The following DIAPH3 variants were observed in gnomAD, a reference collection of about 807,000 sequenced individuals.
The protein encoded by DIAPH3 is protein diaphanous homolog 3.
A neutral mutation model predicts 144.3 loss-of-function variants in DIAPH3; 117 were observed. The ratio of observed to expected loss-of-function variants is 0.81; its 90% CI spans 0.70 to 0.95. The LOEUF is 0.95. Ranked by LOEUF, DIAPH3 falls within the 40% of genes least tolerant of loss-of-function variation. The pLI is 0.00. For missense variants in DIAPH3, 1,421 were observed against 1,412.7 expected, an observed-to-expected ratio of 1.01 and a Z score of -0.09; for synonymous variants, 519 against 488.9, an observed-to-expected ratio of 1.06 and a Z score of -0.81.
intron 17 of DIAPH3, among the ~76,000 whole-genome samples, chr13:59,969,453 T>C (rs2050232208): frequency 6.6e-6 from 1 of 152,170 alleles, no homozygotes; most frequent in South Asian, 2.1e-4. Context: ...GTTACATAGG[T>C]ATACACATGC....
chr13:59,712,324 T>G (rs2034793237), intron 27 of DIAPH3, among the ~76,000 whole-genome samples: 1 of 152,224 alleles, frequency 6.6e-6, no homozygotes, highest in Non-Finnish European at 1.5e-5. Flanking sequence ...CTTCTCTTTC[T>G]CAAATAAAGC....
At position 59,686,428 on chromosome 13, in the gene DIAPH3, A is replaced by C. The variant is rs188174924; in HGVS notation, c.3320-19582T>G. On this transcript the variant is annotated intron_variant, in intron 27 of 27. Transcript: ENST00000400324. The stretch of plus-strand genomic sequence containing the variant: ...CAATGTTCTACTCAAAAGAGGAAAA[A>C]AAATTCGGCTCACAGGTGACTGTCA... 8.7e-4 allele frequency among the ~76,000 whole-genome samples: 133 copies of C among 152,162 alleles called. 2 individuals are homozygous for C. In the East Asian group the frequency reaches 0.021, roughly 24 times the overall value.
At chr13:60,115,845 T>G (rs893874990) in intron 2 of DIAPH3, among the ~76,000 whole-genome samples, 14 of 152,080 alleles carry the variant, frequency 9.2e-5, no homozygotes, top group African/African-American at 3.4e-4. Context: ...TCCAATATAT[T>G]TCTTTGAAAA....
chr13:59,839,333 T>C lies in DIAPH3; in HGVS notation c.2853A>G (p.Thr951=). The C allele has an allele frequency of 6.8e-6, 11 of 1,613,542 alleles. No homozygotes were observed. Among genetic ancestry groups the C allele is most frequent in the Non-Finnish European group, 9.3e-6 (11 of 1,179,684 alleles). ...GCTATCAAAAGGATATGGACATCTTTGTCACAAACTTGTCATGCAAGTCCT... is the reference window on the plus strand; with the variant it reads ...GCTATCAAAAGGATATGGACATCTTCGTCACAAACTTGTCATGCAAGTCCT... ...PPEDLHDKFV[T]KMSRFVISAK... is the part of the protein sequence containing the mutation. Residue 951 remains threonine, a synonymous_variant, in exon 23 of 28, where the codon ACA becomes ACG. Transcript: ENST00000400324.
intron 27 of DIAPH3, among the ~76,000 whole-genome samples, chr13:59,694,001 A>T (rs1436244360): frequency 6.6e-6 from 1 of 152,152 alleles, no homozygotes; most frequent in East Asian, 1.9e-4. Context: ...CATTCTTGTG[A>T]TCCCTAATTG....
intron 27 of DIAPH3, among the ~76,000 whole-genome samples, chr13:59,731,143 CT>C (rs1162432401): frequency 6.6e-6 from 1 of 152,162 alleles, no homozygotes. Context: ...CTTATCATAT[CT>C]TCTCATTTGT....
intron 16 of DIAPH3, 62 bp from the exon 17 acceptor site, chr13:59,970,120 C>T (rs1231267608): frequency 2.2e-6 from 2 of 906,320 alleles, no homozygotes; most frequent in African/African-American, 1.7e-5. Flanking sequence ...CCAAGTCAAG[C>T]ACTATGCATA....
At chr13:59,702,206 C>T (rs79002927) in intron 27 of DIAPH3, among the ~76,000 whole-genome samples, 4,815 of 152,266 alleles carry the variant, frequency 0.032, 273 homozygotes, top group African/African-American at 0.11. Flanking sequence ...GCATACTCAG[C>T]ATTCAAATCT....
intron 27 of DIAPH3, among the ~76,000 whole-genome samples, chr13:59,743,092 A>G (rs1206681065): frequency 6.6e-6 from 1 of 152,176 alleles, no homozygotes; most frequent in Non-Finnish European, 1.5e-5. Flanking sequence ...AAACAAAATC[A>G]TGTGGGGAAT....
At chr13:60,005,695 A>G (rs1030393366) in intron 9 of DIAPH3, among the ~76,000 whole-genome samples, 3 of 151,958 alleles carry the variant, frequency 2.0e-5, no homozygotes, top group African/African-American at 7.2e-5. Context: ...GTTAGCCAGG[A>G]TGGTCTCGAT....
chr13:60,159,055 CA>C (rs1952165785), intron 1 of DIAPH3, among the ~76,000 whole-genome samples: 1 of 151,932 alleles, frequency 6.6e-6, no homozygotes, highest in Non-Finnish European at 1.5e-5. Context: ...CCAAATAACC[CA>C]AAGTAATTGG....
At chr13:60,061,666 AG>A (rs201112762) in intron 4 of DIAPH3, among the ~76,000 whole-genome samples, 1,727 of 152,034 alleles carry the variant, frequency 0.011, 23 homozygotes, top group Non-Finnish European at 0.021. Context: ...TCTGACTTCA[AG>A]GAACTTAAAA....
At chr13:59,742,709 A>AAACGAAAAG (rs2036523876) in intron 27 of DIAPH3, among the ~76,000 whole-genome samples, 1 of 111,864 alleles carries the variant, frequency 8.9e-6, no homozygotes. Flanking sequence ...AGGGAGAAAG[A>AAACGAAAAG]AAAGAAAAGA....
At chr13:59,922,930 A>G (rs527565907) in intron 18 of DIAPH3, among the ~76,000 whole-genome samples, 2 of 152,258 alleles carry the variant, frequency 1.3e-5, no homozygotes, top group South Asian at 4.1e-4. Context: ...CAAAATGAGC[A>G]ATCTTATTGA....
intron 27 of DIAPH3, among the ~76,000 whole-genome samples, chr13:59,721,572 T>TA (rs753444185): frequency 1.2e-4 from 18 of 152,144 alleles, no homozygotes; most frequent in African/African-American, 3.4e-4. Context: ...TTCTAAATCA[T>TA]AAAAAATCCC....
At chr13:60,161,100 G>C (rs1459849557) in intron 1 of DIAPH3, among the ~76,000 whole-genome samples, 2 of 152,220 alleles carry the variant, frequency 1.3e-5, no homozygotes, top group East Asian at 3.9e-4. Flanking sequence ...CTGCTTTGCA[G>C]AAGTGTGCAA....
intron 22 of DIAPH3, among the ~76,000 whole-genome samples, chr13:59,853,096 T>A (rs931171522): frequency 5.3e-5 from 8 of 152,160 alleles, no homozygotes; most frequent in Non-Finnish European, 1.2e-4. Context: ...TCAGACAGAA[T>A]AAGAAACTTG....
At chr13:60,029,392 C>T (rs2141088214) in intron 5 of DIAPH3, among the ~76,000 whole-genome samples, 1 of 152,218 alleles carries the variant, frequency 6.6e-6, no homozygotes, top group Middle Eastern at 3.4e-3. Context: ...ATCAATTCTC[C>T]CTAATATGAT....
intron 3 of DIAPH3, among the ~76,000 whole-genome samples, chr13:60,098,265 A>G (rs2058166886): frequency 6.6e-6 from 1 of 152,140 alleles, no homozygotes. Flanking sequence ...AAAGAGGAAA[A>G]AAGACATACT....
Sources: allele counts gnomAD v4.1 joint callset (sites outside exome capture counted in the v4.1 genomes callset), GRCh38; gene constraint gnomAD v4.1.1; transcripts MANE v1.5; gene names NCBI Gene and HGNC (gene_info 2026-07-23, HGNC 2026-07-21).